The following ARMC8 variants were observed in gnomAD, a reference collection of about 807,000 sequenced individuals.
ARMC8 encodes the protein armadillo repeat-containing protein 8.
In ARMC8, 20 loss-of-function variants were observed where a neutral mutation model predicts 99.3. That is an observed-to-expected ratio of 0.20 (90% CI 0.14 to 0.29). The LOEUF (loss-of-function observed/expected upper bound fraction) is 0.29, where lower values mean the gene tolerates loss of function less well. Among genes scored for constraint, ARMC8 ranks in the 10% least tolerant of loss-of-function variants. The pLI is 1.00. For synonymous variants in ARMC8, 263 were observed against 278.3 expected, an observed-to-expected ratio of 0.95 and a Z score of 0.55; for missense variants, 569 against 809.5, an observed-to-expected ratio of 0.70 and a Z score of 3.60.
intron 18 of ARMC8, among the ~76,000 whole-genome samples, chr3:138,277,507 A>C (rs924851956): frequency 3.9e-5 from 6 of 152,250 alleles, no homozygotes; most frequent in African/African-American, 1.4e-4. Context: ...TATCTGACAA[A>C]TGACTTGTGT....
At chr3:138,197,957 TCA>T (rs2043834021) in intron 1 of ARMC8, among the ~76,000 whole-genome samples, 1 of 152,238 alleles carries the variant, frequency 6.6e-6, no homozygotes, top group Non-Finnish European at 1.5e-5. Flanking sequence ...TAAATTACTT[TCA>T]GTCTTGTGAC....
chr3:138,229,853 A>G (rs1460503938), intron 6 of ARMC8, among the ~76,000 whole-genome samples: 2 of 152,234 alleles, frequency 1.3e-5, no homozygotes, highest in Non-Finnish European at 2.9e-5. Flanking sequence ...CATTTATAAT[A>G]CATCCTATCA....
chr3:138,253,852 G>A (rs2047256860), intron 12 of ARMC8, among the ~76,000 whole-genome samples: 1 of 152,158 alleles, frequency 6.6e-6, no homozygotes, highest in Admixed American at 6.5e-5. Flanking sequence ...TAAAAAGTCT[G>A]TCCACACTGA....
At chr3:138,195,194 C>T (rs915199563) in intron 1 of ARMC8, among the ~76,000 whole-genome samples, 3 of 150,702 alleles carry the variant, frequency 2.0e-5, no homozygotes, top group Non-Finnish European at 4.4e-5. Context: ...AGGAGAATGG[C>T]GTGAACCCGG....
intron 21 of ARMC8, 133 bp from the exon 22 acceptor site, chr3:138,295,726 C>T (rs2051424321): frequency 1.1e-6 from 1 of 878,110 alleles, no homozygotes; most frequent in East Asian, 2.7e-5. Context: ...GGTAGGTGCC[C>T]ACCTGGGCTC....
chr3:138,237,085 G>T (rs762955784), intron 7 of ARMC8, among the ~76,000 whole-genome samples: 17 of 152,080 alleles, frequency 1.1e-4, no homozygotes, highest in South Asian at 4.1e-4. Context: ...AATTTAAATT[G>T]CTACTTCCTG....
At chr3:138,228,746 C>A (rs2045824983) in intron 5 of ARMC8, 172 bp from the exon 6 acceptor site, 1 of 574,006 alleles carries the variant, frequency 1.7e-6, no homozygotes, top group Non-Finnish European at 3.3e-6. Flanking sequence ...TTGTCATTGG[C>A]CTAGACAGTT....
In ARMC8 at chr3:138,188,389, T is replaced by TC. The variant is rs2043195232; in HGVS notation, c.45+790_45+791insC. 6 of 1,491,410 alleles carry TC rather than the reference T, an allele frequency of 4.0e-6. No homozygotes were observed. The African/African-American group carries it at 8.6e-5, about 21-fold the overall frequency. The allele number at this position is 1,491,410 out of a possible 1,614,324, so 92.4% of individuals were successfully genotyped here. A position where few individuals can be genotyped will look rare whatever the true frequency, so the allele number is the denominator to read the frequency against. ...AGGAAGTAAAACCTGTTTTTTTTTTTTTTAAAAAAAGTTTTTTTAAAGAAA... is the reference window on the plus strand; with the variant it reads ...AGGAAGTAAAACCTGTTTTTTTTTTTCTTTAAAAAAAGTTTTTTTAAAGAAA... On this transcript the variant is annotated intron_variant, in intron 1 of 21. Transcript: ENST00000469044.
chr3:138,290,929 A>G (rs973464095), intron 21 of ARMC8, among the ~76,000 whole-genome samples: 1 of 152,210 alleles, frequency 6.6e-6, no homozygotes, highest in Non-Finnish European at 1.5e-5. Flanking sequence ...TAGAATAGAC[A>G]TGCATGTGGC....
intron 12 of ARMC8, among the ~76,000 whole-genome samples, chr3:138,249,369 G>A (rs927677109): frequency 6.6e-6 from 1 of 151,664 alleles, no homozygotes; most frequent in African/African-American, 2.4e-5. Context: ...AGGCAATCCT[G>A]AGGGCTTGTC....
chr3:138,242,695 C>G (rs1034985619), intron 11 of ARMC8, among the ~76,000 whole-genome samples: 1 of 152,186 alleles, frequency 6.6e-6, no homozygotes, highest in African/African-American at 2.4e-5. Flanking sequence ...AGTACTGTTT[C>G]ATGAATGTAA....
chr3:138,258,857 T>G (rs2047528221), intron 12 of ARMC8, among the ~76,000 whole-genome samples: 1 of 152,226 alleles, frequency 6.6e-6, no homozygotes, highest in Non-Finnish European at 1.5e-5. Flanking sequence ...AAAGATGGCC[T>G]CCTCCACTCT....
At chr3:138,263,512 T>C (rs1411031494) in intron 12 of ARMC8, 1 of 561,488 alleles carries the variant, frequency 1.8e-6, no homozygotes, top group Non-Finnish European at 3.2e-6. Context: ...ATAAACAACA[T>C]AACCTGCCCC....
chr3:138,221,377 A>G (rs922423503), intron 2 of ARMC8, among the ~76,000 whole-genome samples: 5 of 152,196 alleles, frequency 3.3e-5, no homozygotes, highest in African/African-American at 9.7e-5. Flanking sequence ...TACATGTGCA[A>G]TGGGCTAATA....
intron 7 of ARMC8, among the ~76,000 whole-genome samples, chr3:138,236,356 A>T (rs914287837): frequency 6.6e-6 from 1 of 152,150 alleles, no homozygotes; most frequent in African/African-American, 2.4e-5. Context: ...GTGGCTGTTT[A>T]TTGTTCCTTT....
chr3:138,197,916 C>A (rs1171928598), intron 1 of ARMC8, among the ~76,000 whole-genome samples: 1 of 152,192 alleles, frequency 6.6e-6, no homozygotes, highest in Admixed American at 6.5e-5. Context: ...AAAGGGAAAA[C>A]ATCATAGTAC....
At chr3:138,229,178 A>ATATATATGTATATGTATATG (rs1576686064) in intron 6 of ARMC8, 168 bp downstream of exon 6, 1 of 32,098 alleles carries the variant, frequency 3.1e-5, no homozygotes, top group African/African-American at 9.7e-5. Flanking sequence ...ATATATATAT[A>ATATATATGTATATGTATATG]TATATGTATA....
chr3:138,230,269 A>G (rs1318043920), intron 6 of ARMC8, among the ~76,000 whole-genome samples: 1 of 152,212 alleles, frequency 6.6e-6, no homozygotes, highest in Non-Finnish European at 1.5e-5. Context: ...GAATCCATCA[A>G]GGGCTAGAAT....
At chr3:138,215,292 C>T (rs1454676172) in intron 2 of ARMC8, among the ~76,000 whole-genome samples, 1 of 152,112 alleles carries the variant, frequency 6.6e-6, no homozygotes, top group African/African-American at 2.4e-5. Context: ...TCTGGGCTCA[C>T]TGCAACCTCT....
Sources: allele counts gnomAD v4.1 joint callset (sites outside exome capture counted in the v4.1 genomes callset), GRCh38; gene constraint gnomAD v4.1.1; transcripts MANE v1.5; gene names NCBI Gene and HGNC (gene_info 2026-07-23, HGNC 2026-07-21).